MPDZ: variants seen among roughly 807,000 people sequenced by gnomAD.
The protein encoded by MPDZ is multiple PDZ domain protein.
MPDZ carries 234 observed loss-of-function variants against 239.1 expected under a neutral mutation model. That is an observed-to-expected ratio of 0.98 (90% CI 0.88 to 1.09). The LOEUF (loss-of-function observed/expected upper bound fraction) is 1.09. Ranked by LOEUF, MPDZ falls within the 50% of genes least tolerant of loss-of-function variation. The pLI is 0.00. For synonymous variants in MPDZ, 1,048 were observed against 881.3 expected, an observed-to-expected ratio of 1.19 and a Z score of -3.35; for missense variants, 3,175 against 2,510.0, an observed-to-expected ratio of 1.26 and a Z score of -5.66.
intron 10 of MPDZ, among the ~76,000 whole-genome samples, chr9:13,206,962 G>GGCC (rs1289342337): frequency 6.6e-6 from 1 of 152,038 alleles, no homozygotes; most frequent in African/African-American, 2.4e-5. Context: ...TACAGATACA[G>GGCC]GCCACTGTGC....
intron 2 of MPDZ, among the ~76,000 whole-genome samples, chr9:13,249,103 T>TACAC (rs1967170301): frequency 2.1e-5 from 2 of 97,406 alleles, no homozygotes; most frequent in Non-Finnish European, 5.0e-5. Context: ...TGATCATGGG[T>TACAC]TCACACACAC....
At chr9:13,128,063 C>T (rs976223135) in intron 32 of MPDZ, among the ~76,000 whole-genome samples, 2 of 152,086 alleles carry the variant, frequency 1.3e-5, no homozygotes, top group African/African-American at 2.4e-5. Flanking sequence ...AATATCTAGC[C>T]TTCCCACCCA....
intron 3 of MPDZ, among the ~76,000 whole-genome samples, chr9:13,243,174 C>T (rs1002762395): frequency 6.6e-6 from 1 of 152,082 alleles, no homozygotes; most frequent in African/African-American, 2.4e-5. Context: ...GTTCTATTTT[C>T]CCCTCTAGAT....
chr9:13,116,281 T>C (rs954584374), intron 39 of MPDZ, among the ~76,000 whole-genome samples: 1 of 152,188 alleles, frequency 6.6e-6, no homozygotes, highest in African/African-American at 2.4e-5. Flanking sequence ...TGTGATTTAT[T>C]AGCTGTGTGA....
intron 34 of MPDZ, among the ~76,000 whole-genome samples, chr9:13,126,108 A>G (rs1289312253): frequency 6.6e-6 from 1 of 152,184 alleles, no homozygotes; most frequent in African/African-American, 2.4e-5. Flanking sequence ...CAAGTACAAG[A>G]TATGTTTAAC....
chr9:13,125,198 T>C lies in MPDZ; in HGVS notation c.4807+18A>G, dbSNP rs767312061. ...GTGTTCCATATGTGCAGGACTCTCA[T>C]GAGTCCAGAGGCCTTACTTCGGATG... On this transcript the variant is annotated intron_variant, in intron 35 of 46. Coordinates refer to ENST00000319217, the MANE Select transcript of MPDZ (RefSeq NM_001378778.1). 3 of 1,554,794 alleles carry C rather than the reference T, an allele frequency of 1.9e-6. No individual in the cohort carries two copies. Among genetic ancestry groups the C allele is most frequent in the African/African-American group, 1.4e-5 (1 of 73,260 alleles).
chr9:13,185,438 C>G (rs1214688901), intron 18 of MPDZ, among the ~76,000 whole-genome samples: 1 of 152,042 alleles, frequency 6.6e-6, no homozygotes, highest in African/African-American at 2.4e-5. Context: ...TCTAATGAAA[C>G]TCAAACAAGT....
rs267602142 is a variant in MPDZ at position 13,138,044 on chromosome 9, G to A, written c.4113C>T (p.Ser1371=). 1 of 1,613,778 alleles carries A rather than the reference G, an allele frequency of 6.2e-7. No homozygotes were observed. The highest frequency in any genetic ancestry group is 8.5e-7 in the Non-Finnish European group (1 of 1,179,790). Residue 1371 remains serine, a synonymous_variant, in exon 29 of 47, where the codon TCC becomes TCT. Coordinates refer to ENST00000319217, the MANE Select transcript of MPDZ (RefSeq NM_001378778.1). The stretch of plus-strand genomic sequence containing the variant: ...TCCCCACTATGAAGACACTCATCCT[G>A]GATCGGTCTTTGTTCCCAGCAAGAC... ...GLSLAGNKDR[S]RMSVFIVGID...
At chr9:13,133,520 A>G (rs549374383) in intron 32 of MPDZ, among the ~76,000 whole-genome samples, 1 of 152,218 alleles carries the variant, frequency 6.6e-6, no homozygotes, top group Non-Finnish European at 1.5e-5. Flanking sequence ...ACAGATAACT[A>G]AATTTCATAA....
chr9:13,279,334 G>A (rs1185434499), intron 1 of MPDZ, 66 bp downstream of exon 1: 2 of 129,938 alleles, frequency 1.5e-5, no homozygotes, highest in African/African-American at 2.7e-5. Flanking sequence ...CACCTTCCCC[G>A]CCGGCGCGCG....
At chr9:13,223,490 T>C in intron 5 of MPDZ, 81 bp downstream of exon 5, 3 of 1,442,202 alleles carry the variant, frequency 2.1e-6, no homozygotes, top group Non-Finnish European at 2.8e-6. Context: ...CATTCATTAT[T>C]ATTTTTCTAA....
chr9:13,247,854 A>G (rs1259401659), intron 2 of MPDZ, 53 bp from the exon 3 acceptor site: 30 of 1,487,900 alleles, frequency 2.0e-5, no homozygotes, highest in Non-Finnish European at 2.7e-5. Flanking sequence ...ACACATGTCC[A>G]GCCTAAGAGG....
intron 30 of MPDZ, 88 bp from the exon 31 acceptor site, chr9:13,136,270 ATTAT>A: frequency 1.3e-6 from 1 of 756,146 alleles, no homozygotes; most frequent in Non-Finnish European, 2.0e-6. Context: ...ATTAGAGAAA[ATTAT>A]TTAACCCCCA....
chr9:13,247,312 C>A (rs1406044901), intron 3 of MPDZ, among the ~76,000 whole-genome samples: 1 of 152,136 alleles, frequency 6.6e-6, no homozygotes, highest in Non-Finnish European at 1.5e-5. Context: ...GAACAATGAG[C>A]CTCAGTGATG....
At chr9:13,161,929 C>T (rs1232915235) in intron 23 of MPDZ, among the ~76,000 whole-genome samples, 1 of 152,054 alleles carries the variant, frequency 6.6e-6, no homozygotes, top group Non-Finnish European at 1.5e-5. Context: ...CTAACGGGTT[C>T]AGCTCAACAT....
Position 13,217,295 on chromosome 9 carries a change from C to A in MPDZ, c.1087-1G>T, listed in dbSNP as rs1463452514. 15 of 1,560,948 alleles carry A rather than the reference C, an allele frequency of 9.6e-6. No homozygotes were observed. The South Asian group carries it at 1.8e-4, about 19-fold the overall frequency. On this transcript the variant is annotated splice_acceptor_variant, in intron 8 of 46. Transcript: ENST00000319217. LOFTEE classifies it high-confidence loss of function. ...CACCTTTCTGAGTAGAAGCATCAAC[C>A]TAAAATAAAATCAATAAATATACAG...
At chr9:13,217,779 GA>G (rs1451585858) in intron 8 of MPDZ, among the ~76,000 whole-genome samples, 57 of 151,892 alleles carry the variant, frequency 3.8e-4, no homozygotes, top group Admixed American at 1.1e-3. Flanking sequence ...ACCATTTATT[GA>G]GCAGTTTGTG....
chr9:13,120,088 C>G (rs1165786885), intron 38 of MPDZ: 1 of 170,920 alleles, frequency 5.9e-6, no homozygotes, highest in African/African-American at 2.4e-5. Flanking sequence ...TACTGAAAAT[C>G]ATAACAGATG....
chr9:13,112,918 T>A lies in MPDZ; in HGVS notation c.5601+93A>T, dbSNP rs1942734553. 2.5e-6 allele frequency: 3 copies of A among 1,206,238 alleles called. No homozygotes were observed. The East Asian group carries it at 7.6e-5, about 31-fold the overall frequency. The allele number at this position is 1,206,238 out of a possible 1,614,324, so 74.7% of individuals were successfully genotyped here. The stretch of plus-strand genomic sequence containing the variant: ...AAGAATACATACTTTTTGAGATGAA[T>A]ACTTTAAAACCGTAAGAAAGTTAAC... On this transcript the variant is annotated intron_variant, in intron 42 of 46. Transcript: ENST00000319217.
Sources: gnomAD v4.1 joint callset for allele counts (sites outside exome capture counted in the v4.1 genomes callset) on GRCh38, gnomAD v4.1.1 for gene constraint, MANE v1.5 for transcripts, NCBI Gene and HGNC (gene_info 2026-07-23, HGNC 2026-07-21) for gene names.